Variants in DCLK1 observed in about 807,000 individuals in gnomAD.
The protein encoded by DCLK1 is doublecortin like kinase 1, also known as serine/threonine-protein kinase DCLK1.
Under a neutral mutation model 86.2 loss-of-function variants are expected in DCLK1, and 16 were observed. That is an observed-to-expected ratio of 0.19 (90% CI 0.13 to 0.28). The LOEUF (loss-of-function observed/expected upper bound fraction) is 0.28. Among genes scored for constraint, DCLK1 ranks in the 10% least tolerant of loss-of-function variants. DCLK1 has a pLI of 1.00. For synonymous variants in DCLK1, 369 were observed against 370.5 expected (o/e 1.00, Z 0.05); for missense variants, 590 against 940.2 (o/e 0.63, Z 4.87).
At chr13:36,006,482 T>C (rs1393774557) in intron 3 of DCLK1, among the ~76,000 whole-genome samples, 2 of 152,226 alleles carry the variant, frequency 1.3e-5, no homozygotes, top group Non-Finnish European at 2.9e-5. Flanking sequence ...ATGTTTACAT[T>C]TATATTTTAG....
intron 16 of DCLK1, among the ~76,000 whole-genome samples, chr13:35,791,902 G>A (rs2086713260): frequency 6.6e-6 from 1 of 152,192 alleles, no homozygotes; most frequent in African/African-American, 2.4e-5. Context: ...GTTTGGAATA[G>A]ACATATATCT....
At chr13:35,970,523 T>C (rs1225534213) in intron 3 of DCLK1, among the ~76,000 whole-genome samples, 1 of 152,154 alleles carries the variant, frequency 6.6e-6, no homozygotes, top group Non-Finnish European at 1.5e-5. Flanking sequence ...TCAACCCTCA[T>C]GGGTGTGTTT....
At chr13:36,122,094 G>C (rs1886012263) in intron 2 of DCLK1, among the ~76,000 whole-genome samples, 1 of 152,158 alleles carries the variant, frequency 6.6e-6, no homozygotes, top group Non-Finnish European at 1.5e-5. Flanking sequence ...CATAGAGAAA[G>C]CCAGTGAAAT....
intron 4 of DCLK1, among the ~76,000 whole-genome samples, chr13:35,894,512 G>A (rs1159456904): frequency 1.3e-5 from 2 of 151,604 alleles, no homozygotes; most frequent in East Asian, 2.0e-4. Flanking sequence ...TGGGCACCTC[G>A]CTCTGCTACA....
intron 16 of DCLK1, among the ~76,000 whole-genome samples, chr13:35,790,773 C>T (rs2086696344): frequency 6.6e-6 from 1 of 152,012 alleles, no homozygotes; most frequent in South Asian, 2.1e-4. Context: ...TTTCTTCTAC[C>T]TCCCACTTAT....
intron 3 of DCLK1, among the ~76,000 whole-genome samples, chr13:36,028,131 A>T (rs1882117561): frequency 6.6e-6 from 1 of 152,224 alleles, no homozygotes; most frequent in Non-Finnish European, 1.5e-5. Flanking sequence ...CAGGTATTTT[A>T]AAATTACTAT....
intron 4 of DCLK1, among the ~76,000 whole-genome samples, chr13:35,911,097 C>T (rs1423714697): frequency 1.4e-5 from 2 of 139,636 alleles, no homozygotes; most frequent in African/African-American, 5.3e-5. Flanking sequence ...TCCTGGCTAA[C>T]ACGGTGAAAC....
intron 11 of DCLK1, among the ~76,000 whole-genome samples, chr13:35,821,951 G>A (rs1319066978): frequency 2.0e-5 from 3 of 151,868 alleles, no homozygotes; most frequent in African/African-American, 2.4e-5. Context: ...GGATGTCTCC[G>A]TTTTTAAAAA....
At chr13:35,818,224 T>C (rs894991890) in intron 11 of DCLK1, among the ~76,000 whole-genome samples, 5 of 152,192 alleles carry the variant, frequency 3.3e-5, no homozygotes, top group Non-Finnish European at 5.9e-5. Flanking sequence ...TGTCCACCAG[T>C]GCAGTTAGCT....
At chr13:35,819,572 T>A (rs1265808701) in intron 11 of DCLK1, among the ~76,000 whole-genome samples, 2 of 152,196 alleles carry the variant, frequency 1.3e-5, no homozygotes, top group Non-Finnish European at 2.9e-5. Flanking sequence ...TTAGAAGGGT[T>A]TTATAAGCCT....
chr13:35,926,240 G>C (rs1876112742), intron 4 of DCLK1, among the ~76,000 whole-genome samples: 1 of 147,624 alleles, frequency 6.8e-6, no homozygotes, highest in South Asian at 2.1e-4. Flanking sequence ...TGCATGTTTA[G>C]TAGAGATGGG....
intron 3 of DCLK1, among the ~76,000 whole-genome samples, chr13:36,058,167 AATTTTG>A (rs963737995): frequency 6.6e-6 from 1 of 152,176 alleles, no homozygotes; most frequent in Admixed American, 6.5e-5. Flanking sequence ...AAAAGAGTGG[AATTTTG>A]ACAAGCACAC....
At chr13:36,026,453 A>G (rs1261332482) in intron 3 of DCLK1, among the ~76,000 whole-genome samples, 3 of 152,244 alleles carry the variant, frequency 2.0e-5, no homozygotes, top group Non-Finnish European at 4.4e-5. Flanking sequence ...AGAAAAAGCA[A>G]AGATCTAATC....
At chr13:36,107,375 A>G (rs1192448525) in intron 3 of DCLK1, among the ~76,000 whole-genome samples, 2 of 121,596 alleles carry the variant, frequency 1.6e-5, no homozygotes, top group African/African-American at 6.6e-5. Context: ...ACGGGGTCTC[A>G]CTCTGTCGCC....
intron 4 of DCLK1, among the ~76,000 whole-genome samples, chr13:35,907,477 T>A (rs1874752193): frequency 1.3e-5 from 2 of 152,212 alleles, no homozygotes; most frequent in Admixed American, 6.5e-5. Flanking sequence ...TTTCTCTTTA[T>A]AATAAAACTC....
intron 16 of DCLK1, among the ~76,000 whole-genome samples, chr13:35,782,204 G>A (rs907217831): frequency 1.3e-5 from 2 of 152,070 alleles, no homozygotes; most frequent in African/African-American, 4.8e-5. Flanking sequence ...CTGCTGACCT[G>A]GTTCTTAATA....
intron 3 of DCLK1, among the ~76,000 whole-genome samples, chr13:36,109,855 T>A (rs1198302762): frequency 6.6e-6 from 1 of 152,198 alleles, no homozygotes; most frequent in Non-Finnish European, 1.5e-5. Flanking sequence ...AAATATTAAT[T>A]CTAGACAAAT....
At chr13:35,914,968 T>C (rs1875323712) in intron 4 of DCLK1, among the ~76,000 whole-genome samples, 1 of 152,174 alleles carries the variant, frequency 6.6e-6, no homozygotes, top group Non-Finnish European at 1.5e-5. Context: ...ATTTTAGGAA[T>C]TGTTTTATGA....
Position 35,911,647 on chromosome 13 carries a change from A to G in DCLK1, c.823+35711T>C, listed in dbSNP as rs534496956. Among the ~76,000 whole-genome samples, 3 of 152,312 alleles carry G rather than the reference A, an allele frequency of 2.0e-5. No homozygotes were observed. The South Asian group carries it at 6.2e-4, about 32-fold the overall frequency. On this transcript the variant is annotated intron_variant, in intron 4 of 16. Coordinates refer to ENST00000360631, the MANE Select transcript of DCLK1 (RefSeq NM_001330071.2). ...CCACCCAGAACATTACAATTTCTCAATTTAAGCTGCCCTTTGTGTTTTGAA... is the reference window on the plus strand; with the variant it reads ...CCACCCAGAACATTACAATTTCTCAGTTTAAGCTGCCCTTTGTGTTTTGAA...
Sources: gnomAD v4.1 joint callset for allele counts (sites outside exome capture counted in the v4.1 genomes callset) on GRCh38, gnomAD v4.1.1 for gene constraint, MANE v1.5 for transcripts, NCBI Gene and HGNC (gene_info 2026-07-23, HGNC 2026-07-21) for gene names.